Variants in ENPP2 observed in about 807,000 individuals in gnomAD.
ENPP2 encodes autotaxin.
Under a neutral mutation model 120.2 loss-of-function variants are expected in ENPP2, and 51 were observed. The observed-to-expected ratio is 0.42, with a 90% confidence interval of 0.34 to 0.54. The LOEUF is 0.54. Ranked by LOEUF, ENPP2 falls within the 20% of genes least tolerant of loss-of-function variation. The pLI, the probability that ENPP2 is intolerant of heterozygous loss-of-function variation, is 0.04. For missense variants in ENPP2, 920 were observed against 1,066.5 expected (o/e 0.86, Z 1.91); for synonymous variants, 365 against 366.4 (o/e 1.00, Z 0.04).
At chr8:119,664,713 A>T (rs928870146) in intron 1 of ENPP2, among the ~76,000 whole-genome samples, 10 of 152,120 alleles carry the variant, frequency 6.6e-5, no homozygotes, top group Admixed American at 6.6e-4. Context: ...AGAAAGAGGT[A>T]GGCAGATCAC....
At chr8:119,567,015 C>T (rs1460697308) in intron 22 of ENPP2, among the ~76,000 whole-genome samples, 3 of 152,106 alleles carry the variant, frequency 2.0e-5, no homozygotes, top group Admixed American at 1.3e-4. Context: ...TGTTAAGCTG[C>T]GGAGGCCCGC....
At chr8:119,635,532 A>G (rs1421192765) in intron 2 of ENPP2, among the ~76,000 whole-genome samples, 1 of 152,260 alleles carries the variant, frequency 6.6e-6, no homozygotes, top group Non-Finnish European at 1.5e-5. Context: ...CTGTAGACAT[A>G]TAAAGTCTCT....
intron 13 of ENPP2, among the ~76,000 whole-genome samples, chr8:119,589,893 A>G (rs1813382080): frequency 6.6e-6 from 1 of 152,220 alleles, no homozygotes; most frequent in Non-Finnish European, 1.5e-5. Context: ...TCAGTGGTAG[A>G]TCATAACCTG....
At chr8:119,607,998 G>C in intron 8 of ENPP2, 21 bp from the exon 9 acceptor site, 2 of 1,565,172 alleles carry the variant, frequency 1.3e-6, no homozygotes, top group Non-Finnish European at 1.7e-6. Flanking sequence ...AAATATAAGC[G>C]GCTTAAAATG....
At chr8:119,606,589 C>T (rs1473962715) in intron 9 of ENPP2, among the ~76,000 whole-genome samples, 1 of 151,256 alleles carries the variant, frequency 6.6e-6, no homozygotes, top group East Asian at 1.9e-4. Context: ...ACTTACTTCT[C>T]AGCTCAGAAA....
At chr8:119,620,914 GCC>G (rs1563742358) in intron 4 of ENPP2, among the ~76,000 whole-genome samples, 1 of 152,128 alleles carries the variant, frequency 6.6e-6, no homozygotes, top group Non-Finnish European at 1.5e-5. Flanking sequence ...CTGGTTCCTT[GCC>G]TCAAGAGTAG....
chr8:119,645,017 T>C (rs555653095), intron 1 of ENPP2, among the ~76,000 whole-genome samples: 1 of 152,190 alleles, frequency 6.6e-6, no homozygotes, highest in Admixed American at 6.5e-5. Context: ...GAAAAACAAC[T>C]GTTTTACCAA....
At chr8:119,586,025 G>T (rs1221435870) in intron 15 of ENPP2, among the ~76,000 whole-genome samples, 161 bp downstream of exon 15, 4 of 151,900 alleles carry the variant, frequency 2.6e-5, no homozygotes, top group Non-Finnish European at 5.9e-5. Context: ...GAGATATATT[G>T]TCTCAGCACT....
intron 1 of ENPP2, among the ~76,000 whole-genome samples, chr8:119,663,226 A>G (rs951751798): frequency 3.9e-5 from 6 of 152,240 alleles, no homozygotes; most frequent in Admixed American, 2.0e-4. Context: ...AGTTAGGTCA[A>G]AAAACAAAAT....
chr8:119,616,140 G>A (rs1815440789), intron 8 of ENPP2, 125 bp downstream of exon 8: 3 of 782,458 alleles, frequency 3.8e-6, no homozygotes, highest in Non-Finnish European at 6.1e-6. Context: ...AGTATCAAAA[G>A]ACAGAAACAT....
At chr8:119,609,829 T>C (rs886096212) in intron 8 of ENPP2, among the ~76,000 whole-genome samples, 1 of 152,254 alleles carries the variant, frequency 6.6e-6, no homozygotes, top group East Asian at 1.9e-4. Context: ...TTGGCATCTA[T>C]GAAATTTAAG....
chr8:119,624,510 C>G (rs1390686112), intron 3 of ENPP2, among the ~76,000 whole-genome samples: 1 of 151,996 alleles, frequency 6.6e-6, no homozygotes, highest in Non-Finnish European at 1.5e-5. Context: ...ACTTTGACCC[C>G]AAAATCCCAC....
At chr8:119,560,822 AC>A (rs146459441) in intron 24 of ENPP2, among the ~76,000 whole-genome samples, 23,712 of 152,092 alleles carry the variant, frequency 0.16, 2,443 homozygotes, top group Non-Finnish European at 0.23. Flanking sequence ...CCAAGTAACC[AC>A]ACAACATACT....
chr8:119,667,013 A>C (rs1313333666), intron 1 of ENPP2, among the ~76,000 whole-genome samples: 1 of 152,098 alleles, frequency 6.6e-6, no homozygotes, highest in African/African-American at 2.4e-5. Flanking sequence ...TCGAGGTAGG[A>C]AAATCAAGTC....
At chr8:119,654,868 G>A (rs564835291) in intron 1 of ENPP2, among the ~76,000 whole-genome samples, 1 of 152,212 alleles carries the variant, frequency 6.6e-6, no homozygotes, top group African/African-American at 2.4e-5. Flanking sequence ...CTATTTCTCT[G>A]TCTTCTTTAA....
chr8:119,626,821 C>A, intron 2 of ENPP2, 101 bp from the exon 3 acceptor site: 1 of 1,083,050 alleles, frequency 9.2e-7, no homozygotes, highest in Non-Finnish European at 1.4e-6. Context: ...GCAGTGGACT[C>A]TGGAGGAGAA....
At position 119,568,192 on chromosome 8, in the gene ENPP2, A is replaced by G; in HGVS notation, c.2114T>C (p.Met705Thr). 6.3e-7 allele frequency: 1 copy of G among 1,577,750 alleles called. No homozygotes were observed. The highest frequency in any genetic ancestry group is 8.7e-7 in the Non-Finnish European group (1 of 1,147,378). The change falls in exon 22 of 25, where the codon ATG becomes ACG. Residue 705 changes from methionine (M) to threonine (T), a missense_variant. Transcript: ENST00000075322. ...GGACTTACGTTTGAAAGCAGGATAC[A>G]TTGGAACCATATTGGTTACAAGGAA... The part of the protein sequence containing the change: ...DAFLVTNMVP[M>T]YPAFKRVWNY...
At chr8:119,558,122 G>A (rs1813616010) in intron 24 of ENPP2, among the ~76,000 whole-genome samples, 2 of 152,182 alleles carry the variant, frequency 1.3e-5, no homozygotes, top group African/African-American at 4.8e-5. Context: ...TAAGCCTAAT[G>A]CACGAAATGA....
At position 119,570,962 on chromosome 8, in the gene ENPP2, C is replaced by A. The variant is rs577956866; in HGVS notation, c.1781-121G>T. On this transcript the variant is annotated intron_variant, in intron 19 of 24. Transcript: ENST00000075322. ...TAGCTTACTTATTATTAATATAGCA[C>A]CTTCTCCTTAATTTAATCAAGCTAG... 13 of 519,314 alleles carry A rather than the reference C, an allele frequency of 2.5e-5. 1 individual carries two copies. In the South Asian group the frequency reaches 4.6e-4, roughly 19 times the overall value. The allele number at this position is 519,314 out of a possible 1,614,324, so 32.2% of individuals were successfully genotyped here. A position where few individuals can be genotyped will look rare whatever the true frequency, so the allele number is the denominator to read the frequency against.
Sources: gnomAD v4.1 joint callset for allele counts (sites outside exome capture counted in the v4.1 genomes callset) on GRCh38, gnomAD v4.1.1 for gene constraint, MANE v1.5 for transcripts, NCBI Gene and HGNC (gene_info 2026-07-23, HGNC 2026-07-21) for gene names.